Variants in SIPA1L1 observed in about 807,000 individuals in gnomAD.
SIPA1L1 encodes the protein signal induced proliferation associated 1 like 1.
SIPA1L1 carries 26 observed loss-of-function variants against 162.7 expected under a neutral mutation model. The observed-to-expected ratio is 0.16, with a 90% CI of 0.12 to 0.22. SIPA1L1 has a LOEUF of 0.22. SIPA1L1 is among the 10% of genes least tolerant of loss of function. The probability of loss-of-function intolerance (pLI) is 1.00; values close to 1 mark genes in which losing one functional copy is unlikely to be tolerated. For missense variants in SIPA1L1, 1,874 were observed against 2,241.0 expected, an observed-to-expected ratio of 0.84 and a Z score of 3.31; for synonymous variants, 829 against 837.4, an observed-to-expected ratio of 0.99 and a Z score of 0.17.
intron 2 of SIPA1L1, among the ~76,000 whole-genome samples, chr14:71,451,458 A>G (rs2141551003): frequency 6.6e-6 from 1 of 152,002 alleles, no homozygotes; most frequent in Admixed American, 6.6e-5. Context: ...ATATAGTGAG[A>G]CCTTGTCTCT....
At position 71,702,477 on chromosome 14, in the gene SIPA1L1, A is replaced by T; in HGVS notation, c.3618A>T (p.Arg1206Ser). 1 of 1,614,226 alleles carries T rather than the reference A, an allele frequency of 6.2e-7. No homozygotes were observed. Among genetic ancestry groups the T allele is most frequent in the Non-Finnish European group, 8.5e-7 (1 of 1,180,020 alleles). The change falls in exon 15 of 24, where the codon AGA becomes AGT. Residue 1206 changes from arginine to serine, a missense_variant. Transcript: ENST00000381232. ...GSGKSTPSWQ[R>S]SEDSIADQME... is the part of the protein sequence containing the mutation. The stretch of plus-strand genomic sequence containing the variant: ...GAAAATCCACGCCTAGCTGGCAAAG[A>T]AGTGAGGATAGCATTGCTGACCAGA...
chr14:71,674,948 C>G (rs571953812), intron 12 of SIPA1L1, among the ~76,000 whole-genome samples: 2 of 152,320 alleles, frequency 1.3e-5, no homozygotes, highest in South Asian at 2.1e-4. Flanking sequence ...ACATCAGAGT[C>G]CAGGCTCTGA....
intron 7 of SIPA1L1, among the ~76,000 whole-genome samples, chr14:71,643,129 A>C (rs1228922792): frequency 7.9e-5 from 12 of 152,208 alleles, no homozygotes; most frequent in Non-Finnish European, 1.8e-4. Flanking sequence ...CAGACCCAAG[A>C]AACTCAATGA....
At chr14:71,527,250 C>T (rs759266926) in intron 3 of SIPA1L1, among the ~76,000 whole-genome samples, 2 of 152,172 alleles carry the variant, frequency 1.3e-5, no homozygotes, top group Non-Finnish European at 2.9e-5. Flanking sequence ...TGGGGACAAG[C>T]GATCCTCCTG....
chr14:71,484,606 T>G (rs2142847481), intron 2 of SIPA1L1, among the ~76,000 whole-genome samples: 1 of 152,292 alleles, frequency 6.6e-6, no homozygotes, highest in African/African-American at 2.4e-5. Flanking sequence ...TACCTGCAGT[T>G]GGTGATTATT....
At chr14:71,386,936 A>G (rs1213994725) in intron 2 of SIPA1L1, among the ~76,000 whole-genome samples, 2 of 152,036 alleles carry the variant, frequency 1.3e-5, no homozygotes, top group African/African-American at 2.4e-5. Context: ...GCTGGCCCTT[A>G]GTTATGGATA....
At chr14:71,418,268 G>A (rs1180229705) in intron 2 of SIPA1L1, 1 of 151,888 alleles carries the variant, frequency 6.6e-6, no homozygotes, top group Non-Finnish European at 1.5e-5. Context: ...TATTTTTTTG[G>A]GCCCAGATCT....
At chr14:71,581,587 G>C (rs2033934470) in intron 4 of SIPA1L1, among the ~76,000 whole-genome samples, 2 of 151,978 alleles carry the variant, frequency 1.3e-5, no homozygotes, top group African/African-American at 4.8e-5. Flanking sequence ...GATTTGATTT[G>C]ATAATCAGTT....
At chr14:71,398,310 A>G (rs963683085) in intron 2 of SIPA1L1, 46 of 152,318 alleles carry the variant, frequency 3.0e-4, no homozygotes, top group African/African-American at 1.1e-3. Flanking sequence ...GTTCTGAACT[A>G]TTTTTGTGCA....
chr14:71,417,698 CTG>C (rs2042907415), intron 2 of SIPA1L1, among the ~76,000 whole-genome samples: 1 of 151,716 alleles, frequency 6.6e-6, no homozygotes, highest in South Asian at 2.1e-4. Flanking sequence ...CTTGGTGTAA[CTG>C]TTATTGAAAA....
chr14:71,550,922 A>G (rs2055762851), intron 4 of SIPA1L1, among the ~76,000 whole-genome samples: 1 of 152,096 alleles, frequency 6.6e-6, no homozygotes, highest in Non-Finnish European at 1.5e-5. Context: ...GGTGGCATGT[A>G]CCTGTAGTCC....
intron 2 of SIPA1L1, among the ~76,000 whole-genome samples, chr14:71,488,760 A>G (rs930653408): frequency 6.6e-6 from 1 of 152,216 alleles, no homozygotes; most frequent in African/African-American, 2.4e-5. Context: ...AGGAAGCTTG[A>G]AAATACTGTA....
intron 12 of SIPA1L1, among the ~76,000 whole-genome samples, chr14:71,673,928 G>C (rs1369442417): frequency 6.6e-6 from 1 of 152,208 alleles, no homozygotes; most frequent in Non-Finnish European, 1.5e-5. Flanking sequence ...GTGCTGAACT[G>C]TGATTTAAAA....
chr14:71,567,184 T>G (rs966185561), intron 4 of SIPA1L1, among the ~76,000 whole-genome samples: 1 of 152,190 alleles, frequency 6.6e-6, no homozygotes, highest in African/African-American at 2.4e-5. Context: ...GTTACAACTT[T>G]GGAGTGAAGT....
At chr14:71,383,589 G>A (rs141636870) in intron 2 of SIPA1L1, among the ~76,000 whole-genome samples, 261 of 152,216 alleles carry the variant, frequency 1.7e-3, no homozygotes, top group African/African-American at 5.9e-3. Flanking sequence ...TTCTGCAAGC[G>A]GTACTAGCAT....
chr14:71,602,511 A>G (rs1277610821), intron 5 of SIPA1L1, among the ~76,000 whole-genome samples: 1 of 152,230 alleles, frequency 6.6e-6, no homozygotes, highest in African/African-American at 2.4e-5. Context: ...CTATGTGCTG[A>G]TGAAAAGAAT....
intron 2 of SIPA1L1, among the ~76,000 whole-genome samples, chr14:71,353,933 A>G (rs959865255): frequency 6.6e-5 from 10 of 151,958 alleles, no homozygotes; most frequent in Non-Finnish European, 1.2e-4. Context: ...TTTTTTCAGC[A>G]TTTTATAAAG....
At chr14:71,717,216 A>G (rs2083339931) in intron 17 of SIPA1L1, among the ~76,000 whole-genome samples, 1 of 152,178 alleles carries the variant, frequency 6.6e-6, no homozygotes. Flanking sequence ...ATGGGGTATC[A>G]TGTACTTGTG....
chr14:71,529,151 C>T (rs1157850319), intron 3 of SIPA1L1, among the ~76,000 whole-genome samples, 161 bp from the exon 4 acceptor site: 1 of 151,796 alleles, frequency 6.6e-6, no homozygotes. Context: ...ATACTAGAGA[C>T]ATTTTTCTCT....
Sources: gnomAD v4.1 joint callset for allele counts (sites outside exome capture counted in the v4.1 genomes callset) on GRCh38, gnomAD v4.1.1 for gene constraint, MANE v1.5 for transcripts, NCBI Gene and HGNC (gene_info 2026-07-23, HGNC 2026-07-21) for gene names.